Variants in PKNOX2 observed in about 807,000 individuals in gnomAD.
PKNOX2 encodes PBX/knotted 1 homeobox 2, also known as homeobox protein PKNOX2.
Under a neutral mutation model 53.1 loss-of-function variants are expected in PKNOX2, and 14 were observed. That is an observed-to-expected ratio of 0.26 (90% CI 0.17 to 0.41). The LOEUF is 0.41. Among genes scored for constraint, PKNOX2 ranks in the 10% least tolerant of loss-of-function variants. The probability of loss-of-function intolerance (pLI) is 1.00; values close to 1 mark genes in which losing one functional copy is unlikely to be tolerated. For synonymous variants in PKNOX2, 257 were observed against 242.8 expected (o/e 1.06, Z -0.54); for missense variants, 496 against 602.8 (o/e 0.82, Z 1.85).
At chr11:125,283,222 T>C (rs980825541) in intron 2 of PKNOX2, among the ~76,000 whole-genome samples, 4 of 152,186 alleles carry the variant, frequency 2.6e-5, no homozygotes, top group Admixed American at 6.5e-5. Flanking sequence ...ATGCAGCTAA[T>C]GCCTACCATC....
chr11:125,293,382 T>C (rs1947435692), intron 2 of PKNOX2, among the ~76,000 whole-genome samples: 1 of 152,206 alleles, frequency 6.6e-6, no homozygotes. Context: ...CTCTGATTTC[T>C]TTTAGTGTTT....
intron 2 of PKNOX2, among the ~76,000 whole-genome samples, chr11:125,285,569 G>A (rs1946844422): frequency 6.6e-6 from 1 of 152,180 alleles, no homozygotes; most frequent in Non-Finnish European, 1.5e-5. Flanking sequence ...ACTGAAAGCT[G>A]CATTTAAAAT....
At chr11:125,248,141 T>G (rs1943702085) in intron 2 of PKNOX2, among the ~76,000 whole-genome samples, 1 of 152,324 alleles carries the variant, frequency 6.6e-6, no homozygotes, top group Non-Finnish European at 1.5e-5. Context: ...AATAGATGTT[T>G]CCCAAATGAA....
chr11:125,423,086 G>C (rs676393), intron 10 of PKNOX2, among the ~76,000 whole-genome samples: 16 of 151,658 alleles, frequency 1.1e-4, no homozygotes, highest in Non-Finnish European at 4.4e-5. Context: ...ACATATATAC[G>C]TATGTATATA....
At chr11:125,296,669 C>T (rs1947680408) in intron 2 of PKNOX2, among the ~76,000 whole-genome samples, 2 of 152,140 alleles carry the variant, frequency 1.3e-5, no homozygotes, top group Non-Finnish European at 2.9e-5. Context: ...CAGAGTCTCG[C>T]TCTGTTGCCA....
At chr11:125,200,049 A>G (rs892581835) in intron 1 of PKNOX2, among the ~76,000 whole-genome samples, 1 of 152,122 alleles carries the variant, frequency 6.6e-6, no homozygotes, top group Non-Finnish European at 1.5e-5. Context: ...TCCCATCTAT[A>G]GACAGTGACA....
chr11:125,219,348 G>T (rs1241033918), intron 1 of PKNOX2, among the ~76,000 whole-genome samples: 3 of 151,850 alleles, frequency 2.0e-5, no homozygotes, highest in Non-Finnish European at 4.4e-5. Flanking sequence ...TGAGGCAGGA[G>T]AATCTCTTGA....
At chr11:125,205,076 T>G (rs1297304302) in intron 1 of PKNOX2, among the ~76,000 whole-genome samples, 1 of 152,232 alleles carries the variant, frequency 6.6e-6, no homozygotes, top group Admixed American at 6.5e-5. Context: ...AGCACAGGGC[T>G]TGTGTCCATT....
intron 2 of PKNOX2, among the ~76,000 whole-genome samples, chr11:125,281,917 T>C (rs907669176): frequency 6.6e-6 from 1 of 152,216 alleles, no homozygotes; most frequent in Non-Finnish European, 1.5e-5. Context: ...CCCAAGTGCC[T>C]GGAAAGACCT....
chr11:125,309,387 ATT>A (rs67761552), intron 2 of PKNOX2, among the ~76,000 whole-genome samples: 5,186 of 135,148 alleles, frequency 0.038, 326 homozygotes, highest in African/African-American at 0.14. Flanking sequence ...AACAGTACCA[ATT>A]TTTTTTTTTT....
At chr11:125,178,634 GAAA>G (rs1565462406) in intron 1 of PKNOX2, among the ~76,000 whole-genome samples, 38 of 94,332 alleles carry the variant, frequency 4.0e-4, no homozygotes, top group African/African-American at 2.2e-3. Context: ...AAGAAAGAAA[GAAA>G]GAAAGAAAGA....
chr11:125,359,038 C>G (rs537531650), intron 4 of PKNOX2, among the ~76,000 whole-genome samples: 1 of 149,924 alleles, frequency 6.7e-6, no homozygotes, highest in South Asian at 2.1e-4. Flanking sequence ...AGGCAGGTTG[C>G]AGGGGAGATG....
At chr11:125,284,230 C>T (rs187563725) in intron 2 of PKNOX2, among the ~76,000 whole-genome samples, 50 of 152,362 alleles carry the variant, frequency 3.3e-4, no homozygotes, top group African/African-American at 1.1e-3. Context: ...CCACTGACTT[C>T]CCTCCTAGTC....
chr11:125,309,518 G>A (rs896695878), intron 2 of PKNOX2, among the ~76,000 whole-genome samples: 161 of 151,764 alleles, frequency 1.1e-3, no homozygotes, highest in Non-Finnish European at 3.2e-4. Context: ...CTCCTAAGTA[G>A]CTGGGATTAA....
intron 3 of PKNOX2, among the ~76,000 whole-genome samples, chr11:125,346,207 T>A (rs1339877102): frequency 7.0e-6 from 1 of 142,502 alleles, no homozygotes; most frequent in Non-Finnish European, 1.5e-5. Flanking sequence ...AGGGGTAACC[T>A]GGGGGCGTCT....
At chr11:125,318,985 G>A (rs766034039) in intron 2 of PKNOX2, among the ~76,000 whole-genome samples, 3 of 152,174 alleles carry the variant, frequency 2.0e-5, no homozygotes, top group Non-Finnish European at 4.4e-5. Context: ...GCTGAATTGT[G>A]AGTTGGTTAA....
At chr11:125,194,152 C>T (rs1211804257) in intron 1 of PKNOX2, among the ~76,000 whole-genome samples, 1 of 152,200 alleles carries the variant, frequency 6.6e-6, no homozygotes, top group East Asian at 1.9e-4. Context: ...TCTGCTGAGC[C>T]CTGTGTGGAG....
intron 2 of PKNOX2, among the ~76,000 whole-genome samples, chr11:125,258,170 C>T (rs1944558474): frequency 6.6e-6 from 1 of 152,212 alleles, no homozygotes; most frequent in Non-Finnish European, 1.5e-5. Flanking sequence ...GCAACCTCAG[C>T]TTCCTCATAG....
chr11:125,381,617 G>T lies in PKNOX2; in HGVS notation c.228-3934G>T, dbSNP rs113107371. The stretch of plus-strand genomic sequence containing the variant: ...CCCTGGCTGTGGTTCTGCAGAGGAG[G>T]TGCATGTTCCCTGCTGTATGTGACA... On this transcript the variant is annotated intron_variant, in intron 5 of 12. Coordinates refer to ENST00000298282, the MANE Select transcript of PKNOX2 (RefSeq NM_001382323.2). Among the ~76,000 whole-genome samples, 365 of 152,166 alleles carry T rather than the reference G, an allele frequency of 2.4e-3. 4 individuals carry two copies. Among genetic ancestry groups the T allele is most frequent in the African/African-American group, 8.3e-3 (345 of 41,502 alleles).
Sources: gnomAD v4.1 joint callset for allele counts (sites outside exome capture counted in the v4.1 genomes callset) on GRCh38, gnomAD v4.1.1 for gene constraint, MANE v1.5 for transcripts, NCBI Gene and HGNC (gene_info 2026-07-23, HGNC 2026-07-21) for gene names.